The following ENOX1 variants were observed in gnomAD, a reference collection of about 807,000 sequenced individuals.
ENOX1 encodes candidate growth-related and time keeping constitutive hydroquinone (NADH) oxidase.
Under a neutral mutation model 82.5 loss-of-function variants are expected in ENOX1, and 42 were observed. The observed-to-expected ratio is 0.51, with a 90% CI of 0.40 to 0.66. The LOEUF is 0.66. Among genes scored for constraint, ENOX1 ranks in the 30% least tolerant of loss-of-function variants. The pLI, the probability that ENOX1 is intolerant of heterozygous loss-of-function variation, is 0.00. For missense variants in ENOX1, 608 were observed against 811.6 expected (o/e 0.75, Z 3.05); for synonymous variants, 271 against 282.2 (o/e 0.96, Z 0.40).
At chr13:43,674,769 C>T (rs1346577458) in intron 1 of ENOX1, among the ~76,000 whole-genome samples, 8 of 152,070 alleles carry the variant, frequency 5.3e-5, no homozygotes, top group Admixed American at 6.5e-5. Context: ...CACAGGTTCA[C>T]GGATTATAAC....
Position 43,579,641 on chromosome 13 carries a change from A to G in ENOX1, c.-219+87838T>C, listed in dbSNP as rs183580309. On this transcript the variant is annotated intron_variant, in intron 2 of 16. Transcript: ENST00000690772. The stretch of plus-strand genomic sequence containing the variant: ...GGAATCAGGGTGGAGGAACATGGGA[A>G]ATGGAGCACAGGCATTCTGGGAGAC... Among the ~76,000 whole-genome samples the G allele has an allele frequency of 3.9e-5, 6 of 152,356 alleles. No homozygotes were observed. In the East Asian group the frequency reaches 7.7e-4, roughly 20 times the overall value.
At chr13:43,390,446 T>C (rs1257288027) in intron 5 of ENOX1, among the ~76,000 whole-genome samples, 1 of 152,126 alleles carries the variant, frequency 6.6e-6, no homozygotes, top group Non-Finnish European at 1.5e-5. Context: ...AGTACAAGAC[T>C]GTGTCAGCCA....
chr13:43,248,011 A>G lies in ENOX1; in HGVS notation c.1612-11273T>C, dbSNP rs1315884433. ...CGCCATTCTCCTGCCTCAGCCTCCC[A>G]AGTACCTGGGACTACAGGCGCCCGC... On this transcript the variant is annotated intron_variant, in intron 14 of 16. Coordinates refer to ENST00000690772, the MANE Select transcript of ENOX1 (RefSeq NM_001347969.2). Among the ~76,000 whole-genome samples, 31 of 142,194 alleles carry G rather than the reference A, an allele frequency of 2.2e-4. 1 individual carries two copies. Among genetic ancestry groups the G allele is most frequent in the African/African-American group, 7.0e-4 (27 of 38,424 alleles). The allele number at this position is 142,194 out of a possible 152,430, so 93.3% of individuals were successfully genotyped here. A position where few individuals can be genotyped will look rare whatever the true frequency, so the allele number is the denominator to read the frequency against.
chr13:43,510,593 T>C (rs2077331105), intron 2 of ENOX1, among the ~76,000 whole-genome samples: 1 of 152,114 alleles, frequency 6.6e-6, no homozygotes, highest in Admixed American at 6.6e-5. Context: ...ACAAAGCCAT[T>C]GCCCGCATTT....
chr13:43,558,399 C>T (rs2079532845), intron 2 of ENOX1, among the ~76,000 whole-genome samples: 1 of 152,194 alleles, frequency 6.6e-6, no homozygotes. Context: ...AAACAATTAG[C>T]TGGTTGTTCA....
chr13:43,783,914 G>A lies in ENOX1; in HGVS notation c.-285+2738C>T, dbSNP rs1390512449. ...ACTTAGTGGATCTGTCTCATTTGGA[G>A]GGTTGCAATGCCTGAGCTACAGTGT... On this transcript the variant is annotated intron_variant, in intron 1 of 16. Coordinates refer to ENST00000690772, the MANE Select transcript of ENOX1 (RefSeq NM_001347969.2). 4.6e-5 allele frequency among the ~76,000 whole-genome samples: 7 copies of A among 152,164 alleles called. No homozygotes were observed. In the East Asian group the frequency reaches 1.3e-3, roughly 29 times the overall value.
intron 12 of ENOX1, among the ~76,000 whole-genome samples, chr13:43,293,456 G>C (rs2046119946): frequency 6.6e-6 from 1 of 151,838 alleles, no homozygotes; most frequent in Non-Finnish European, 1.5e-5. Context: ...CTCACCTCCA[G>C]AGCCAATATC....
At chr13:43,433,062 G>A (rs1049323466) in intron 3 of ENOX1, among the ~76,000 whole-genome samples, 1 of 152,072 alleles carries the variant, frequency 6.6e-6, no homozygotes, top group Non-Finnish European at 1.5e-5. Context: ...TCTGTTTAGG[G>A]TTGCTATAAC....
At chr13:43,546,110 T>C (rs2078963367) in intron 2 of ENOX1, 1 of 152,254 alleles carries the variant, frequency 6.6e-6, no homozygotes, top group Non-Finnish European at 1.5e-5. Flanking sequence ...CGGTGCTGAA[T>C]AAGGTCCCTG....
chr13:43,677,711 C>T (rs1192807179), intron 1 of ENOX1, among the ~76,000 whole-genome samples: 1 of 152,108 alleles, frequency 6.6e-6, no homozygotes, highest in Non-Finnish European at 1.5e-5. Flanking sequence ...TTTTAGTTCT[C>T]ACAATGTTGT....
At chr13:43,554,397 C>T (rs114761754) in intron 2 of ENOX1, among the ~76,000 whole-genome samples, 1,896 of 152,270 alleles carry the variant, frequency 0.012, 27 homozygotes, top group African/African-American at 0.038. Context: ...GATTTAAAAA[C>T]ATAGTTAGAT....
At chr13:43,724,250 A>T (rs2088778313) in intron 1 of ENOX1, among the ~76,000 whole-genome samples, 1 of 152,334 alleles carries the variant, frequency 6.6e-6, no homozygotes, top group East Asian at 1.9e-4. Flanking sequence ...CTTCTCATGC[A>T]TGAAAGGTAC....
chr13:43,778,009 A>C (rs1179887548), intron 1 of ENOX1, among the ~76,000 whole-genome samples: 1 of 152,238 alleles, frequency 6.6e-6, no homozygotes, highest in African/African-American at 2.4e-5. Context: ...CTGATAAGCA[A>C]AGCCCAGTAA....
intron 2 of ENOX1, chr13:43,547,717 A>G (rs2079031490): frequency 6.6e-6 from 1 of 152,220 alleles, no homozygotes; most frequent in African/African-American, 2.4e-5. Flanking sequence ...GATATTATAA[A>G]ACCGTGTTCT....
intron 3 of ENOX1, among the ~76,000 whole-genome samples, chr13:43,481,249 G>A (rs1002115594): frequency 1.3e-5 from 2 of 151,998 alleles, no homozygotes; most frequent in African/African-American, 2.4e-5. Flanking sequence ...CATGCAAGAT[G>A]AAAAAATTGT....
intron 3 of ENOX1, among the ~76,000 whole-genome samples, chr13:43,465,052 C>T (rs549225191): frequency 6.6e-6 from 1 of 152,138 alleles, no homozygotes; most frequent in Admixed American, 6.5e-5. Context: ...CAAATGACAT[C>T]AGCCTGATTT....
intron 2 of ENOX1, among the ~76,000 whole-genome samples, chr13:43,644,834 C>T (rs2083819474): frequency 6.6e-6 from 1 of 152,324 alleles, no homozygotes; most frequent in East Asian, 1.9e-4. Flanking sequence ...CCAGGCAGAA[C>T]ATGGATCCTT....
intron 9 of ENOX1, among the ~76,000 whole-genome samples, chr13:43,339,371 A>G (rs2048926314): frequency 6.6e-6 from 1 of 152,188 alleles, no homozygotes; most frequent in South Asian, 2.1e-4. Context: ...GGTGCATCTA[A>G]TCCAGCTCAT....
chr13:43,231,449 A>G (rs2042275500), intron 15 of ENOX1, among the ~76,000 whole-genome samples: 1 of 152,190 alleles, frequency 6.6e-6, no homozygotes. Context: ...AATTTTCCAA[A>G]AAAGTTTATT....
Sources: allele counts gnomAD v4.1 joint callset (sites outside exome capture counted in the v4.1 genomes callset), GRCh38; gene constraint gnomAD v4.1.1; transcripts MANE v1.5; gene names NCBI Gene and HGNC (gene_info 2026-07-23, HGNC 2026-07-21).